Variants in LRRC63 observed in about 807,000 individuals in gnomAD.
LRRC63 encodes leucine rich repeat containing 63.
In LRRC63, 40 loss-of-function variants were observed where a neutral mutation model predicts 49.5. The observed-to-expected ratio is 0.81, with a 90% CI of 0.63 to 1.05. The LOEUF (loss-of-function observed/expected upper bound fraction) is 1.05, where lower values mean the gene tolerates loss of function less well. Ranked by LOEUF, LRRC63 falls within the 50% of genes least tolerant of loss-of-function variation. The probability of loss-of-function intolerance (pLI) is 0.00; values close to 1 mark genes in which losing one functional copy is unlikely to be tolerated. For synonymous variants in LRRC63, 191 were observed against 221.1 expected, an observed-to-expected ratio of 0.86 and a Z score of 1.21; for missense variants, 636 against 663.1, an observed-to-expected ratio of 0.96 and a Z score of 0.45.
At chr13:46,223,476 T>TTTG (rs1474693838) in intron 2 of LRRC63, among the ~76,000 whole-genome samples, 69 of 132,960 alleles carry the variant, frequency 5.2e-4, no homozygotes, top group African/African-American at 1.8e-3. Context: ...TGGCTGACAG[T>TTTG]TTTTTTTGTT....
intron 7 of LRRC63, among the ~76,000 whole-genome samples, chr13:46,258,739 T>G (rs1000021184): frequency 6.8e-6 from 1 of 147,840 alleles, no homozygotes. Flanking sequence ...ACCAGGGGAG[T>G]TGCAGGTTGC....
chr13:46,256,194 C>T (rs188765274), intron 7 of LRRC63, among the ~76,000 whole-genome samples: 4 of 152,284 alleles, frequency 2.6e-5, no homozygotes, highest in African/African-American at 9.6e-5. Flanking sequence ...CCACTAGGTT[C>T]TTGAAGATTT....
Position 46,242,041 on chromosome 13 carries a change from AT to A in LRRC63, c.991-4485del, listed in dbSNP as rs564689875. On this transcript the variant is annotated intron_variant, in intron 5 of 9. Transcript: ENST00000595396. ...TATGCTTATTGCAGCACTATTTGTGATAACAAAGTCATGGAATCAACCTAAA... is the reference window on the plus strand; with the variant it reads ...TATGCTTATTGCAGCACTATTTGTGAAACAAAGTCATGGAATCAACCTAAA... Among the ~76,000 whole-genome samples, 208 of 152,360 alleles carry A rather than the reference AT, an allele frequency of 1.4e-3. 1 individual carries two copies. The highest frequency in any genetic ancestry group is 4.7e-3 in the African/African-American group (197 of 41,588).
chr13:46,222,535 G>A (rs2046436583), intron 2 of LRRC63, among the ~76,000 whole-genome samples: 1 of 152,130 alleles, frequency 6.6e-6, no homozygotes, highest in Non-Finnish European at 1.5e-5. Context: ...CAGTTAGAAT[G>A]GCAATCATTA....
chr13:46,227,271 A>G (rs2046603578), intron 2 of LRRC63, among the ~76,000 whole-genome samples: 1 of 152,184 alleles, frequency 6.6e-6, no homozygotes, highest in African/African-American at 2.4e-5. Context: ...TGTTCTTCCA[A>G]GAATAGCTCT....
intron 5 of LRRC63, among the ~76,000 whole-genome samples, chr13:46,244,633 G>A (rs1289574635): frequency 6.6e-6 from 1 of 152,124 alleles, no homozygotes; most frequent in Non-Finnish European, 1.5e-5. Context: ...AATTAGCCAG[G>A]AATGGTGACA....
intron 9 of LRRC63, among the ~76,000 whole-genome samples, chr13:46,273,402 A>C (rs1025435862): frequency 3.3e-5 from 5 of 152,094 alleles, no homozygotes; most frequent in Admixed American, 3.3e-4. Context: ...GGAGATCGAG[A>C]CAATCCTGGC....
At chr13:46,250,270 T>C (rs2047341731) in intron 6 of LRRC63, 85 bp from the exon 7 acceptor site, 5 of 1,182,972 alleles carry the variant, frequency 4.2e-6, no homozygotes, top group Non-Finnish European at 5.8e-6. Context: ...TCTACATTAG[T>C]TCAGAGAGTT....
At position 46,271,140 on chromosome 13, in the gene LRRC63, C is replaced by T. The variant is rs553605380; in HGVS notation, c.1550+4168C>T. 5.2e-4 allele frequency among the ~76,000 whole-genome samples: 79 copies of T among 152,180 alleles called. 1 individual carries two copies. The highest frequency in any genetic ancestry group is 1.8e-3 in the African/African-American group (73 of 41,514). On this transcript the variant is annotated intron_variant, in intron 9 of 9. Transcript: ENST00000595396. ...TTCATATACTCAGTTTCCAAAGAGC[C>T]GACTGCAGGACTTGAGTTATGTGTG...
intron 9 of LRRC63, among the ~76,000 whole-genome samples, chr13:46,273,613 A>AG (rs1373775952): frequency 2.0e-5 from 3 of 150,682 alleles, no homozygotes; most frequent in Admixed American, 1.3e-4. Context: ...AAAAAAAAAA[A>AG]AAAAAAAGAG....
intron 5 of LRRC63, among the ~76,000 whole-genome samples, chr13:46,237,134 A>G (rs1331744822): frequency 6.6e-6 from 1 of 152,188 alleles, no homozygotes; most frequent in East Asian, 1.9e-4. Context: ...AACGAAGGGA[A>G]TGAACAAAAC....
chr13:46,220,268 A>G (rs916643123), intron 2 of LRRC63, among the ~76,000 whole-genome samples: 1 of 152,126 alleles, frequency 6.6e-6, no homozygotes, highest in Non-Finnish European at 1.5e-5. Context: ...TAAGCCCCTG[A>G]CTGGGGCTGC....
chr13:46,236,856 T>A (rs1172676828), intron 5 of LRRC63, among the ~76,000 whole-genome samples: 2 of 152,192 alleles, frequency 1.3e-5, no homozygotes, highest in African/African-American at 4.8e-5. Flanking sequence ...AACATAATTA[T>A]AAATGTATAT....
chr13:46,219,073 T>C (rs959843175), intron 2 of LRRC63, among the ~76,000 whole-genome samples: 2 of 152,204 alleles, frequency 1.3e-5, no homozygotes. Context: ...CTGACCATTA[T>C]GTGTCTTGGG....
At chr13:46,275,127 C>T (rs1027690736) in intron 9 of LRRC63, among the ~76,000 whole-genome samples, 8 of 152,154 alleles carry the variant, frequency 5.3e-5, no homozygotes, top group Admixed American at 3.3e-4. Flanking sequence ...CTAGGATCAT[C>T]CCTGTTGCCA....
At chr13:46,265,239 C>T (rs75721410) in intron 8 of LRRC63, among the ~76,000 whole-genome samples, 2,171 of 152,154 alleles carry the variant, frequency 0.014, 55 homozygotes, top group African/African-American at 0.05. Context: ...GTGTGTCCTC[C>T]GAGGTAAACC....
intron 2 of LRRC63, among the ~76,000 whole-genome samples, chr13:46,223,035 G>T (rs1594013549): frequency 7.3e-6 from 1 of 136,724 alleles, no homozygotes; most frequent in East Asian, 2.2e-4. Context: ...CACAGGAAGG[G>T]GAACATCACA....
intron 2 of LRRC63, among the ~76,000 whole-genome samples, chr13:46,225,272 G>C (rs1223372847): frequency 6.6e-6 from 1 of 152,228 alleles, no homozygotes; most frequent in Non-Finnish European, 1.5e-5. Context: ...CCATGTGAAA[G>C]GAGGAAGAAC....
chr13:46,222,347 C>T (rs545039816), intron 2 of LRRC63, among the ~76,000 whole-genome samples: 5 of 152,184 alleles, frequency 3.3e-5, no homozygotes, highest in African/African-American at 1.2e-4. Flanking sequence ...AGACCAGTGT[C>T]CAGGAGAGTT....
Sources: allele counts gnomAD v4.1 joint callset (sites outside exome capture counted in the v4.1 genomes callset), GRCh38; gene constraint gnomAD v4.1.1; transcripts MANE v1.5; gene names NCBI Gene and HGNC (gene_info 2026-07-23, HGNC 2026-07-21).